GLCE: variants seen among roughly 807,000 people sequenced by gnomAD.
The protein encoded by GLCE is glucuronic acid epimerase.
Under a neutral mutation model 47.9 loss-of-function variants are expected in GLCE, and 19 were observed. The observed-to-expected ratio is 0.40, with a 90% CI of 0.28 to 0.58. The LOEUF is 0.58. Among genes scored for constraint, GLCE ranks in the 20% least tolerant of loss-of-function variants. The pLI is 0.48. For missense variants in GLCE, 556 were observed against 743.3 expected, an observed-to-expected ratio of 0.75 and a Z score of 2.93; for synonymous variants, 245 against 263.4, an observed-to-expected ratio of 0.93 and a Z score of 0.68.
intron 2 of GLCE, among the ~76,000 whole-genome samples, chr15:69,211,065 G>T (rs1434511020): frequency 6.6e-6 from 1 of 152,064 alleles, no homozygotes; most frequent in Non-Finnish European, 1.5e-5. Flanking sequence ...ATTTAAATAT[G>T]CATATAAGTA....
intron 2 of GLCE, among the ~76,000 whole-genome samples, chr15:69,219,588 T>A (rs112400978): frequency 4.8e-3 from 733 of 152,280 alleles, no homozygotes; most frequent in Non-Finnish European, 7.4e-3. Flanking sequence ...GAACTAGTTG[T>A]GTGACTTTGG....
chr15:69,223,947 G>A lies in GLCE; in HGVS notation c.-14+13541G>A, dbSNP rs77540241. 9.7e-4 allele frequency among the ~76,000 whole-genome samples: 148 copies of A among 152,108 alleles called. 3 individuals are homozygous for A. The East Asian group carries it at 0.023, about 24-fold the overall frequency. ...TCTGTAGCTCTACTGATACTTACAC[G>A]TTTTTCATACATCATTTTCTTGATT... On this transcript the variant is annotated intron_variant, in intron 2 of 4. Transcript: ENST00000261858.
intron 1 of GLCE, among the ~76,000 whole-genome samples, chr15:69,192,281 A>G (rs2051924611): frequency 6.6e-6 from 1 of 151,404 alleles, no homozygotes; most frequent in Non-Finnish European, 1.5e-5. Flanking sequence ...TCATTTTTGG[A>G]TAGTTTTATT....
At chr15:69,214,056 G>A (rs1048817610) in intron 2 of GLCE, among the ~76,000 whole-genome samples, 1 of 151,796 alleles carries the variant, frequency 6.6e-6, no homozygotes, top group African/African-American at 2.4e-5. Flanking sequence ...GACTTTATGA[G>A]ATGCTTCAGG....
chr15:69,229,708 AC>A (rs1258737029), intron 2 of GLCE, among the ~76,000 whole-genome samples: 15 of 152,052 alleles, frequency 9.9e-5, no homozygotes, highest in African/African-American at 3.4e-4. Flanking sequence ...CCCAACAATG[AC>A]AAAAAGAAAA....
rs377258384 is a variant in GLCE at position 69,269,008 on chromosome 15, C to T, written c.1618C>T (p.Arg540Cys). The T allele has an allele frequency of 1.1e-5, 17 of 1,613,978 alleles. No homozygotes were observed. Among genetic ancestry groups the T allele is most frequent in the African/African-American group, 5.3e-5 (4 of 74,904 alleles). Residue 540 changes from arginine (R) to cysteine (C), a missense_variant, in exon 5 of 5, where the codon CGT becomes TGT. Around this residue, in one of 3 missense-constraint regions of GLCE, gnomAD observed 245 missense variants for 368.1 expected, o/e 0.67. Coordinates refer to ENST00000261858, the MANE Select transcript of GLCE (RefSeq NM_015554.3). Reference sequence around the variant, plus strand: ...AAAAGAAGCAAGGTCCTTGTATGAGCGTGGCATGGAATCTCTTAAAGCCAT... The same window carrying T: ...AAAAGAAGCAAGGTCCTTGTATGAGTGTGGCATGGAATCTCTTAAAGCCAT... The part of the protein sequence containing the change: ...LGKEARSLYE[R>C]GMESLKAMLP...
At chr15:69,170,931 A>G (rs980657966) in intron 1 of GLCE, among the ~76,000 whole-genome samples, 3 of 152,352 alleles carry the variant, frequency 2.0e-5, no homozygotes, top group African/African-American at 7.2e-5. Flanking sequence ...CTTTAAATGT[A>G]TGAAAGCTAT....
chr15:69,252,786 T>A (rs796807007), intron 2 of GLCE, among the ~76,000 whole-genome samples: 41 of 150,834 alleles, frequency 2.7e-4, no homozygotes, highest in East Asian at 1.5e-3. Context: ...AAAAAAAAAA[T>A]AAACACCATT....
chr15:69,162,859 T>G (rs1033412392), intron 1 of GLCE, among the ~76,000 whole-genome samples: 2 of 152,208 alleles, frequency 1.3e-5, no homozygotes, highest in Admixed American at 1.3e-4. Flanking sequence ...TACTGGGATT[T>G]AGAGGCGTGA....
At chr15:69,197,031 T>TA (rs2052004479) in intron 1 of GLCE, 1 of 323,812 alleles carries the variant, frequency 3.1e-6, no homozygotes, top group Non-Finnish European at 6.1e-6. Context: ...TACAGCTTTC[T>TA]GAGTTCCAGC....
chr15:69,218,224 A>C (rs1382939407), intron 2 of GLCE, among the ~76,000 whole-genome samples: 1 of 151,898 alleles, frequency 6.6e-6, no homozygotes, highest in Non-Finnish European at 1.5e-5. Flanking sequence ...AGACTAGAAA[A>C]ATAGGCCAGG....
chr15:69,197,812 T>C (rs2052016271), intron 1 of GLCE, among the ~76,000 whole-genome samples: 2 of 152,084 alleles, frequency 1.3e-5, no homozygotes, highest in African/African-American at 4.8e-5. Flanking sequence ...GCACATTTGG[T>C]GTGTAGAGTT....
chr15:69,238,660 A>C (rs1022137504), intron 2 of GLCE, among the ~76,000 whole-genome samples: 2 of 152,204 alleles, frequency 1.3e-5, no homozygotes, highest in Non-Finnish European at 2.9e-5. Context: ...TGGAGTGCTG[A>C]TGATGATTTT....
At chr15:69,234,915 T>G (rs865802239) in intron 2 of GLCE, among the ~76,000 whole-genome samples, 1 of 152,274 alleles carries the variant, frequency 6.6e-6, no homozygotes, top group Middle Eastern at 3.4e-3. Context: ...GCTATTCTTA[T>G]CAACTTTTAT....
At chr15:69,224,133 TTTG>T (rs755890736) in intron 2 of GLCE, among the ~76,000 whole-genome samples, 14 of 152,326 alleles carry the variant, frequency 9.2e-5, no homozygotes, top group Middle Eastern at 3.4e-3. Flanking sequence ...CTTGTGATTT[TTTG>T]TTGTTGTTGA....
chr15:69,268,233 T>G lies in GLCE; in HGVS notation c.843T>G (p.Gly281=), dbSNP rs777908525. Residue 281 remains glycine, a synonymous_variant, in exon 5 of 5, where the codon GGT becomes GGG. Coordinates refer to ENST00000261858, the MANE Select transcript of GLCE (RefSeq NM_015554.3). ...TCTCCCCTACAGAAACCAGTGAAGG[T>G]GTATCCTTGCAACTGGGAAACACAA... ...KQFIAPETSE[G]VSLQLGNTKD... is the part of the protein sequence containing the mutation. The G allele has an allele frequency of 6.2e-7, 1 of 1,601,942 alleles. No individual in the cohort carries two copies. The highest frequency in any genetic ancestry group is 8.5e-7 in the Non-Finnish European group (1 of 1,173,416).
chr15:69,259,221 T>C (rs921197557), intron 3 of GLCE, among the ~76,000 whole-genome samples: 6 of 152,248 alleles, frequency 3.9e-5, no homozygotes, highest in Non-Finnish European at 5.9e-5. Flanking sequence ...GTGGAGTTTT[T>C]TAAAAATGTA....
intron 2 of GLCE, among the ~76,000 whole-genome samples, chr15:69,220,535 G>A (rs2052364832): frequency 6.6e-6 from 1 of 152,078 alleles, no homozygotes; most frequent in African/African-American, 2.4e-5. Flanking sequence ...GATTTATGAT[G>A]TTGAGCATCT....
chr15:69,246,961 GTCA>G (rs1344562530), intron 2 of GLCE, among the ~76,000 whole-genome samples: 2 of 152,142 alleles, frequency 1.3e-5, no homozygotes, highest in African/African-American at 4.8e-5. Context: ...CAGATGTGCT[GTCA>G]TCCAGGCTTT....
Sources: allele counts gnomAD v4.1 joint callset (sites outside exome capture counted in the v4.1 genomes callset), GRCh38; gene constraint gnomAD v4.1.1; regional missense constraint gnomAD v4.1.1; transcripts MANE v1.5; gene names NCBI Gene and HGNC (gene_info 2026-07-23, HGNC 2026-07-21).